The following TUT1 variants were observed in gnomAD, a reference collection of about 807,000 sequenced individuals.
The protein encoded by TUT1 is terminal uridylyl transferase 1, U6 snRNA-specific.
Under a neutral mutation model 48.8 loss-of-function variants are expected in TUT1, and 26 were observed. The observed-to-expected ratio is 0.53, with a 90% confidence interval of 0.39 to 0.74. The LOEUF is 0.74. Ranked by LOEUF, TUT1 falls within the 30% of genes least tolerant of loss-of-function variation. TUT1 has a pLI of 0.00. For missense variants in TUT1, 1,065 were observed against 1,114.8 expected, an observed-to-expected ratio of 0.96 and a Z score of 0.64; for synonymous variants, 470 against 460.8, an observed-to-expected ratio of 1.02 and a Z score of -0.26.
chr11:62,581,350 A>C (rs1941821614), intron 3 of TUT1, 36 bp downstream of exon 3: 1 of 1,575,436 alleles, frequency 6.3e-7, no homozygotes, highest in African/African-American at 1.3e-5. Flanking sequence ...AGCAAAGGCC[A>C]GGGAGGGCTC....
In TUT1 at chr11:62,575,888, A is replaced by C; in HGVS notation, c.1831T>G (p.Leu611Val). 6.2e-7 allele frequency: 1 copy of C among 1,614,148 alleles called. No individual in the cohort carries two copies. The change falls in exon 9 of 9, where the codon TTA (leucine) becomes GTA (valine). Residue 611 changes from leucine (L) to valine (V), a missense_variant. Physicochemically the swap from Leu to Val is conservative, Grantham distance 32 (BLOSUM62 1). Coordinates refer to ENST00000476907, the MANE Select transcript of TUT1 (RefSeq NM_022830.3). ...AGCTGGGTGAAGGGTGCAAGGGGTAAAGGGATCGGCGTAGCAGAGAGCAGG... is the reference window on the plus strand; with the variant it reads ...AGCTGGGTGAAGGGTGCAAGGGGTACAGGGATCGGCGTAGCAGAGAGCAGG... The part of the protein sequence containing the change: ...SSLLSATPIP[L>V]PLAPFTQLTA...
chr11:62,577,313 G>A (rs773643352), intron 5 of TUT1, 22 bp from the exon 6 acceptor site: 5 of 1,594,962 alleles, frequency 3.1e-6, no homozygotes, highest in Non-Finnish European at 3.4e-6. Context: ...CAGGGACAAG[G>A]GTGTTAGCGC....
chr11:62,576,137 AAGGC>A lies in TUT1; in HGVS notation c.1578_1581del (p.Pro527LeufsTer12). On this transcript the variant is annotated frameshift_variant, in exon 9 of 9. Transcript: ENST00000476907. LOFTEE classifies it low-confidence loss of function (END_TRUNC). ...AGGCGCAGACCCTCCCAGAGATTAGAAGGCAGGCCCCCTGCCACAGGCAGTGCCT... is the reference window on the plus strand; with the variant it reads ...AGGCGCAGACCCTCCCAGAGATTAGAAGGCCCCCTGCCACAGGCAGTGCCT... The A allele has an allele frequency of 6.2e-7, 1 of 1,613,790 alleles. No homozygotes were observed. Among genetic ancestry groups the A allele is most frequent in the Non-Finnish European group, 8.5e-7 (1 of 1,179,940 alleles).
chr11:62,581,815 G>A, intron 2 of TUT1, 114 bp from the exon 3 acceptor site: 8 of 1,000,730 alleles, frequency 8.0e-6, no homozygotes, highest in Non-Finnish European at 1.1e-5. Context: ...GAGAATATTT[G>A]CTTGCTGTTT....
Position 62,591,408 on chromosome 11 carries a change from G to A in TUT1, c.78C>T (p.Ala26=). 6.3e-7 allele frequency: 1 copy of A among 1,583,234 alleles called. No homozygotes were observed. Among genetic ancestry groups the A allele is most frequent in the Non-Finnish European group, 8.6e-7 (1 of 1,166,102 alleles). ...FRCCLCHVTT[A]NRPSLDAHLG... is the part of the protein sequence containing the mutation. Reference sequence around the variant, plus strand: ...CCCTCACTAGCCACCGCTTACGGTTGGCTGTAGTAACGTGGCAGAGGCAGC... The same window carrying A: ...CCCTCACTAGCCACCGCTTACGGTTAGCTGTAGTAACGTGGCAGAGGCAGC... Residue 26 remains alanine (A), a synonymous_variant, in exon 1 of 9, where the codon GCC becomes GCT. Transcript: ENST00000476907.
At chr11:62,581,752 C>CG in intron 2 of TUT1, 51 bp from the exon 3 acceptor site, 1 of 1,307,774 alleles carries the variant, frequency 7.6e-7, no homozygotes, top group Non-Finnish European at 1.0e-6. Context: ...AGAATCTAAG[C>CG]ACGAGATCTA....
chr11:62,590,812 A>T (rs1590726004), intron 1 of TUT1, among the ~76,000 whole-genome samples: 1 of 30,866 alleles, frequency 3.2e-5, no homozygotes, highest in Non-Finnish European at 7.2e-5. Context: ...ACCTTGTCTC[A>T]AAAAAAAAAA....
At chr11:62,590,973 T>C (rs1338669807) in intron 1 of TUT1, among the ~76,000 whole-genome samples, 3 of 152,108 alleles carry the variant, frequency 2.0e-5, no homozygotes, top group East Asian at 1.9e-4. Flanking sequence ...CTCCTTTGAG[T>C]AGGTCCTCTG....
In TUT1 at chr11:62,578,793, G is replaced by A; in HGVS notation, c.928C>T (p.Pro310Ser). 6.2e-7 allele frequency: 1 copy of A among 1,614,138 alleles called. No individual in the cohort carries two copies. Among genetic ancestry groups the A allele is most frequent in the Non-Finnish European group, 8.5e-7 (1 of 1,180,030 alleles). The part of the protein sequence containing the change: ...ASPQSLPPAS[P>S]LLEDREEGDL... ...CCCTCTTCCCTGTCCTCTAGCAGTG[G>A]TGAAGCTGGAGGCAGAGACTGGGGA... is the stretch of plus-strand genomic sequence containing the variant. The change falls in exon 5 of 9, where the codon CCA (proline) becomes TCA (serine). Residue 310 changes from proline (P) to serine (S), a missense_variant. By Grantham distance (74) the Pro-to-Ser change is moderately conservative. Transcript: ENST00000476907.
chr11:62,583,635 A>G (rs1199191146), intron 2 of TUT1, among the ~76,000 whole-genome samples: 2 of 152,184 alleles, frequency 1.3e-5, no homozygotes, highest in Admixed American at 1.3e-4. Context: ...GAGGAAAAAC[A>G]GGACTGCTTT....
intron 1 of TUT1, 23 bp from the exon 2 acceptor site, chr11:62,589,244 A>G (rs779677078): frequency 1.1e-5 from 18 of 1,611,208 alleles, no homozygotes; most frequent in Middle Eastern, 1.7e-4. Flanking sequence ...GTGTGAGACA[A>G]AAACATGCAA....
rs139345196 is a variant in TUT1 at position 62,575,551 on chromosome 11, G to A, written c.2168C>T (p.Ala723Val). The change falls in exon 9 of 9, where the codon GCC becomes GTC. Residue 723 changes from alanine to valine, a missense_variant. By Grantham distance (64) the Ala-to-Val change is moderately conservative. Coordinates refer to ENST00000476907, the MANE Select transcript of TUT1 (RefSeq NM_022830.3). ...GCTGGGCTGCCCCTCTTCTCCAGGG[G>A]CTCCATGCTTTCCAGTGGTCAGGGG... Reference protein sequence around the residue: ...DLPLTTGKHGAPGEEGQPSHA... With the variant: ...DLPLTTGKHGVPGEEGQPSHA... The A allele has an allele frequency of 6.2e-6, 10 of 1,613,800 alleles. 1 individual carries two copies. Among genetic ancestry groups the A allele is most frequent in the Middle Eastern group, 1.6e-4 (1 of 6,084 alleles).
intron 1 of TUT1, among the ~76,000 whole-genome samples, chr11:62,589,439 T>C (rs755644680): frequency 9.2e-5 from 14 of 152,116 alleles, no homozygotes; most frequent in Non-Finnish European, 1.6e-4. Flanking sequence ...AGAGTCTCAC[T>C]GTCGCCCCCG....
chr11:62,575,585 C>T lies in TUT1; in HGVS notation c.2134G>A (p.Gly712Arg), dbSNP rs35639864. The T allele has an allele frequency of 6.5e-3, 10,464 of 1,614,152 alleles. 49 individuals carry two copies. The highest frequency in any genetic ancestry group is 8.3e-3 in the Non-Finnish European group (9,800 of 1,180,024). ...TTTCCAGTGGTCAGGGGCAGGTCCC[C>T]TGGCTGCCCAGGGCTCTGCATGGCC... The part of the protein sequence containing the change: ...DWAMQSPGQP[G>R]DLPLTTGKHG... Residue 712 changes from glycine (G) to arginine (R), a missense_variant, in exon 9 of 9, where the codon GGG (glycine) becomes AGG (arginine). Coordinates refer to ENST00000476907, the MANE Select transcript of TUT1 (RefSeq NM_022830.3).
chr11:62,586,901 C>T (rs1301640362), intron 2 of TUT1, among the ~76,000 whole-genome samples: 8 of 150,310 alleles, frequency 5.3e-5, no homozygotes, highest in East Asian at 2.0e-4. Context: ...GATGGGGTTT[C>T]GCCATGTTGG....
Position 62,582,719 on chromosome 11 carries a change from G to A in TUT1, c.274-1018C>T, listed in dbSNP as rs534012618. On this transcript the variant is annotated intron_variant, in intron 2 of 8. Coordinates refer to ENST00000476907, the MANE Select transcript of TUT1 (RefSeq NM_022830.3). ...TTATTTGTCCCCTACTCTTCCCAAT[G>A]ATGTGATTACACTATGACCCACCCT... 3.4e-4 allele frequency: 121 copies of A among 355,236 alleles called. 2 individuals are homozygous for A. Among genetic ancestry groups the A allele is most frequent in the South Asian group, 2.4e-3 (115 of 48,656 alleles). 22.0% of individuals were successfully genotyped at this position (355,236 alleles called of 1,614,324 possible). A position where few individuals can be genotyped will look rare whatever the true frequency, so the allele number is the denominator to read the frequency against.
At chr11:62,580,513 A>T (rs1941807256) in intron 4 of TUT1, among the ~76,000 whole-genome samples, 1 of 151,536 alleles carries the variant, frequency 6.6e-6, no homozygotes, top group Non-Finnish European at 1.5e-5. Flanking sequence ...GTATAATTTT[A>T]AATATATTTT....
chr11:62,583,389 C>A (rs1160803775), intron 2 of TUT1, among the ~76,000 whole-genome samples: 1 of 152,058 alleles, frequency 6.6e-6, no homozygotes, highest in African/African-American at 2.4e-5. Flanking sequence ...GCGGGTGGAT[C>A]ACTTGAGGTC....
chr11:62,576,771 G>A, intron 7 of TUT1, 22 bp from the exon 8 acceptor site: 1 of 1,613,402 alleles, frequency 6.2e-7, no homozygotes, highest in Non-Finnish European at 8.5e-7. Flanking sequence ...AATAAGGTGA[G>A]AGTCAGTCTG....
Sources: gnomAD v4.1 joint callset for allele counts (sites outside exome capture counted in the v4.1 genomes callset) on GRCh38, gnomAD v4.1.1 for gene constraint, MANE v1.5 for transcripts, NCBI Gene and HGNC (gene_info 2026-07-23, HGNC 2026-07-21) for gene names.